The following MMP7 variants were observed in gnomAD, a reference collection of about 807,000 sequenced individuals.
The protein encoded by MMP7 is matrilysin.
In MMP7, 26 loss-of-function variants were observed where a neutral mutation model predicts 31.5. The ratio of observed to expected loss-of-function variants is 0.83; its 90% CI spans 0.61 to 1.15. The LOEUF (loss-of-function observed/expected upper bound fraction) is 1.15. Among genes scored for constraint, MMP7 ranks in the 50% most tolerant of loss-of-function variants. MMP7 has a pLI of 0.00. For missense variants in MMP7, 367 were observed against 326.5 expected (o/e 1.12, Z -0.96); for synonymous variants, 142 against 124.2 (o/e 1.14, Z -0.95).
At chr11:102,527,259 T>A (rs1210134438) in intron 3 of MMP7, 1 of 452,260 alleles carries the variant, frequency 2.2e-6, no homozygotes, top group East Asian at 4.3e-5. Flanking sequence ...AGCCTGACTG[T>A]GTTCCAGTAA....
At chr11:102,522,375 G>T (rs1196641146) in intron 5 of MMP7, among the ~76,000 whole-genome samples, 1 of 152,128 alleles carries the variant, frequency 6.6e-6, no homozygotes, top group African/African-American at 2.4e-5. Context: ...TATTTTTACT[G>T]GCTAGGTTTA....
chr11:102,523,335 T>C lies in MMP7; in HGVS notation c.680A>G (p.Asp227Gly), dbSNP rs1053908572. 6.8e-6 allele frequency: 11 copies of C among 1,613,202 alleles called. No homozygotes were observed. Among genetic ancestry groups the C allele is most frequent in the Non-Finnish European group, 9.3e-6 (11 of 1,179,558 alleles). ...GGTTGGATACATCACTGCATTAGGATCAGAGGAATGTCCCATACCCAAAGA... is the reference window on the plus strand; with the variant it reads ...GGTTGGATACATCACTGCATTAGGACCAGAGGAATGTCCCATACCCAAAGA... ...GHSLGMGHSS[D>G]PNAVMYPTYG... Residue 227 changes from aspartate to glycine, a missense_variant, in exon 5 of 6, where the codon GAT becomes GGT. Physicochemically the swap from Asp to Gly is moderately conservative, Grantham distance 94 (BLOSUM62 -1). Transcript: ENST00000260227.
chr11:102,528,433 TCTTAAAATTTTAGCTCTGGGAAA>T (rs1247606091), intron 1 of MMP7, among the ~76,000 whole-genome samples: 1 of 152,078 alleles, frequency 6.6e-6, no homozygotes, highest in Non-Finnish European at 1.5e-5. Context: ...AGTTAAAGGG[TCTTAAAATTTTAGCTCTGGGAAA>T]AGATATTAGG....
In MMP7 at chr11:102,525,328, GCTA is replaced by G. The variant is rs1290563942; in HGVS notation, c.485-267_485-265del. Among the ~76,000 whole-genome samples the G allele has an allele frequency of 5.9e-5, 9 of 152,126 alleles. No individual in the cohort carries two copies. The South Asian group carries it at 1.0e-3, about 18-fold the overall frequency. On this transcript the variant is annotated intron_variant, in intron 3 of 5. Coordinates refer to ENST00000260227, the MANE Select transcript of MMP7 (RefSeq NM_002423.5). ...CACATGCCACCAAGTAGTAATCCCA[GCTA>G]CTTGGGAGGCTGAGGCTGGAGAATT... is the stretch of plus-strand genomic sequence containing the variant.
chr11:102,520,728 T>G lies in MMP7; in HGVS notation c.*48A>C. The G allele has an allele frequency of 1.1e-5, 16 of 1,444,212 alleles. No homozygotes were observed. Among genetic ancestry groups the G allele is most frequent in the Non-Finnish European group, 1.4e-5 (15 of 1,044,700 alleles). The allele number at this position is 1,444,212 out of a possible 1,614,324, so 89.5% of individuals were successfully genotyped here. ...CTTATCAATTCTGATTGTGCAACAA[T>G]GATATACAATCCAATGAATGAATGA... On this transcript the variant is annotated 3_prime_UTR_variant, in exon 6 of 6. Coordinates refer to ENST00000260227, the MANE Select transcript of MMP7 (RefSeq NM_002423.5).
intron 5 of MMP7, among the ~76,000 whole-genome samples, chr11:102,521,557 G>A (rs975232570): frequency 1.3e-5 from 2 of 152,026 alleles, no homozygotes; most frequent in African/African-American, 4.8e-5. Flanking sequence ...ACTTTCTTTG[G>A]AATCTATGTT....
Position 102,527,529 on chromosome 11 carries a change from C to T in MMP7, c.479G>A (p.Arg160Gln), listed in dbSNP as rs751581884. The change falls in exon 3 of 6, where the codon CGA becomes CAA. Residue 160 changes from arginine (R) to glutamine (Q), a missense_variant. Physicochemically the swap from Arg to Gln is conservative, Grantham distance 43. Transcript: ENST00000260227. The stretch of plus-strand genomic sequence containing the variant: ...CCTACAGGAATCTTTCTTACCTCCT[C>T]GCGCAAAGCCAATCATGATGTCAGC... ...GTADIMIGFARGAHGDSYPFD... is the reference protein window; with the variant it reads ...GTADIMIGFAQGAHGDSYPFD... The T allele has an allele frequency of 1.8e-5, 29 of 1,614,066 alleles. No homozygotes were observed. Among genetic ancestry groups the T allele is most frequent in the South Asian group, 4.4e-5 (4 of 91,088 alleles).
chr11:102,526,539 G>C (rs1858674837), intron 3 of MMP7, among the ~76,000 whole-genome samples: 1 of 152,032 alleles, frequency 6.6e-6, no homozygotes, highest in African/African-American at 2.4e-5. Context: ...ACCCTGCTGT[G>C]TTATATATTT....
chr11:102,526,763 T>C (rs1026103179), intron 3 of MMP7, among the ~76,000 whole-genome samples: 4 of 152,200 alleles, frequency 2.6e-5, no homozygotes, highest in African/African-American at 9.7e-5. Flanking sequence ...ACATATACAA[T>C]GGTCCTATAA....
rs563451380 is a variant in MMP7, at chr11:102,524,972, C to T, written c.577G>A (p.Asp193Asn). Residue 193 changes from aspartate (D) to asparagine (N), a missense_variant, in exon 4 of 6, where the codon GAT becomes AAT. Asp to Asn is a conservative substitution (Grantham distance 23). Coordinates refer to ENST00000260227, the MANE Select transcript of MMP7 (RefSeq NM_002423.5). ...CCATCCGTCCAGCGTTCATCCTCAT[C>T]GAAGTGAGCATCTCCTCCGAGACCT... ...GTGLGGDAHF[D>N]EDERWTDGSS... 4.0e-5 allele frequency: 64 copies of T among 1,613,984 alleles called. 1 individual carries two copies. In the East Asian group the frequency reaches 4.5e-4, roughly 11 times the overall value.
intron 5 of MMP7, among the ~76,000 whole-genome samples, chr11:102,522,221 G>A (rs1858620848): frequency 6.6e-6 from 1 of 152,208 alleles, no homozygotes; most frequent in South Asian, 2.1e-4. Flanking sequence ...ATGCTAGGTT[G>A]AACTGATATC....
intron 3 of MMP7, among the ~76,000 whole-genome samples, chr11:102,526,065 G>C (rs1294806620): frequency 6.6e-6 from 1 of 151,260 alleles, no homozygotes; most frequent in Non-Finnish European, 1.5e-5. Context: ...AGACTGAAAT[G>C]GGCAACATTT....
chr11:102,527,676 G>C lies in MMP7; in HGVS notation c.336-4C>G. 1 of 1,613,342 alleles carries C rather than the reference G, an allele frequency of 6.2e-7. No individual in the cohort carries two copies. Among genetic ancestry groups the C allele is most frequent in the Non-Finnish European group, 8.5e-7 (1 of 1,179,560 alleles). Reference sequence around the variant, plus strand: ...GTCTCGAGTATATGATACGATCCTAGTAGCAAACAAGAAAACAATGTTTGA... The same window carrying C: ...GTCTCGAGTATATGATACGATCCTACTAGCAAACAAGAAAACAATGTTTGA... On this transcript the variant is annotated splice_region_variant and splice_polypyrimidine_tract_variant and intron_variant, in intron 2 of 5. Transcript: ENST00000260227.
intron 1 of MMP7, among the ~76,000 whole-genome samples, chr11:102,528,502 AG>A (rs1482514798): frequency 6.6e-6 from 1 of 152,222 alleles, no homozygotes; most frequent in East Asian, 1.9e-4. Flanking sequence ...AATCCGGTGA[AG>A]GAACCAAAGC....
Position 102,524,916 on chromosome 11 carries a change from A to T in MMP7, c.613+20T>A, listed in dbSNP as rs780709081. The T allele has an allele frequency of 8.1e-6, 13 of 1,606,348 alleles. No individual in the cohort carries two copies. Among genetic ancestry groups the T allele is most frequent in the Non-Finnish European group, 1.1e-5 (13 of 1,177,050 alleles). The stretch of plus-strand genomic sequence containing the variant: ...GATTTTAAAACGGATGTGGAGTAGA[A>T]GAGACATGAGATGCTATACCTAGAC... On this transcript the variant is annotated intron_variant, in intron 4 of 5. Transcript: ENST00000260227.
intron 1 of MMP7, among the ~76,000 whole-genome samples, chr11:102,530,385 G>C (rs991326314): frequency 5.3e-5 from 8 of 152,182 alleles, no homozygotes; most frequent in African/African-American, 1.9e-4. Flanking sequence ...TGAGTGGAGG[G>C]TTGGAACTCA....
rs777306250 is a variant in MMP7, at chr11:102,530,607, A to C, written c.94T>G (p.Trp32Gly). 4 of 1,613,826 alleles carry C rather than the reference A, an allele frequency of 2.5e-6. No individual in the cohort carries two copies. In the South Asian group the frequency reaches 4.4e-5, roughly 18 times the overall value. Residue 32 changes from tryptophan to glycine, a missense_variant, in exon 1 of 6, where the codon TGG becomes GGG. Transcript: ENST00000260227. ...CTGTGACATACCTGAGCCTGTTCCCACTGTAGCTCACTCATGCCTCCCGCC... is the reference window on the plus strand; with the variant it reads ...CTGTGACATACCTGAGCCTGTTCCCCCTGTAGCTCACTCATGCCTCCCGCC... ...QEAGGMSELQ[W>G]EQAQDYLKRF...
rs552502046 is a variant in MMP7, at chr11:102,529,311, A to T, written c.108+1282T>A. On this transcript the variant is annotated intron_variant, in intron 1 of 5. Transcript: ENST00000260227. Reference sequence around the variant, plus strand: ...GATAACTGATCCTTTATTTAAAAACAAATAACCCATTTAATCCCTTCTAGA... The same window carrying T: ...GATAACTGATCCTTTATTTAAAAACTAATAACCCATTTAATCCCTTCTAGA... Among the ~76,000 whole-genome samples, 3 of 152,356 alleles carry T rather than the reference A, an allele frequency of 2.0e-5. No homozygotes were observed. The East Asian group carries it at 5.8e-4, about 29-fold the overall frequency.
chr11:102,524,397 G>C (rs144928162), intron 4 of MMP7: 1 of 152,104 alleles, frequency 6.6e-6, no homozygotes, highest in African/African-American at 2.4e-5. Flanking sequence ...TGATAAATAT[G>C]ATATACTAAA....
Sources: gnomAD v4.1 joint callset for allele counts (sites outside exome capture counted in the v4.1 genomes callset) on GRCh38, gnomAD v4.1.1 for gene constraint, MANE v1.5 for transcripts, NCBI Gene and HGNC (gene_info 2026-07-23, HGNC 2026-07-21) for gene names.